The following SFSWAP variants were observed in gnomAD, a reference collection of about 807,000 sequenced individuals.
SFSWAP encodes the protein splicing factor, suppressor of white-apricot homolog.
In SFSWAP, 17 loss-of-function variants were observed where a neutral mutation model predicts 100.7. That is an observed-to-expected ratio of 0.17 (90% CI 0.12 to 0.25). The LOEUF (loss-of-function observed/expected upper bound fraction) is 0.25, where lower values mean the gene tolerates loss of function less well. SFSWAP is among the 10% of genes least tolerant of loss of function. The pLI is 1.00. For missense variants in SFSWAP, 1,005 were observed against 1,262.6 expected (o/e 0.80, Z 3.09); for synonymous variants, 504 against 510.1 (o/e 0.99, Z 0.16).
Position 131,711,461 on chromosome 12 carries a change from C to G in SFSWAP, c.218+14C>G. The G allele has an allele frequency of 6.3e-7, 1 of 1,598,284 alleles. No individual in the cohort carries two copies. The highest frequency in any genetic ancestry group is 8.6e-7 in the Non-Finnish European group (1 of 1,167,096). ...CCTCATCGACAGGTCGGTTCCTCTC[C>G]CCACCCGTCGATCCTTCCCTTCCCT... On this transcript the variant is annotated intron_variant, in intron 1 of 17. Transcript: ENST00000261674. The surrounding 1 kb of genome is among the most constrained non-coding windows in gnomAD (Gnocchi z 4.9).
At chr12:131,749,534 A>G (rs1881428809) in intron 7 of SFSWAP, among the ~76,000 whole-genome samples, 1 of 152,242 alleles carries the variant, frequency 6.6e-6, no homozygotes, top group Non-Finnish European at 1.5e-5. Context: ...TGTATACAAA[A>G]TCCCTGTGTC....
intron 14 of SFSWAP, among the ~76,000 whole-genome samples, chr12:131,782,342 T>G (rs1041911559): frequency 1.3e-5 from 2 of 152,216 alleles, no homozygotes; most frequent in African/African-American, 4.8e-5. Context: ...GGCTTTAAAA[T>G]GCAAGTTAGA....
At position 131,729,998 on chromosome 12, in the gene SFSWAP, A is replaced by C. The variant is rs376953778; in HGVS notation, c.1081+1570A>C. 2.0e-5 allele frequency among the ~76,000 whole-genome samples: 3 copies of C among 152,374 alleles called. No homozygotes were observed. The East Asian group carries it at 5.8e-4, about 29-fold the overall frequency. ...TCCCCCCAAAAACCTTTTAAAGCTG[A>C]GAATGTCTTTAAATGATTAAATCAA... On this transcript the variant is annotated intron_variant, in intron 7 of 17. Transcript: ENST00000261674.
chr12:131,766,404 A>G (rs1011623872), intron 13 of SFSWAP, 96 bp downstream of exon 13: 7 of 1,128,704 alleles, frequency 6.2e-6, no homozygotes, highest in Non-Finnish European at 9.0e-6. Context: ...CTCTGGCCTG[A>G]GTGAGGGATA....
intron 15 of SFSWAP, among the ~76,000 whole-genome samples, chr12:131,787,543 G>A (rs886856933): frequency 2.4e-4 from 37 of 152,332 alleles, no homozygotes; most frequent in African/African-American, 8.7e-4. Flanking sequence ...CCGTGTCTGC[G>A]TCTGGAGCTA....
chr12:131,735,636 G>A (rs1431551406), intron 7 of SFSWAP, among the ~76,000 whole-genome samples: 1 of 152,212 alleles, frequency 6.6e-6, no homozygotes, highest in East Asian at 1.9e-4. Context: ...CACATGCTGG[G>A]CCCCAGCCCG....
chr12:131,755,624 A>G, intron 10 of SFSWAP, 145 bp downstream of exon 10: 4 of 619,630 alleles, frequency 6.5e-6, no homozygotes, highest in Middle Eastern at 4.3e-4. Flanking sequence ...GGCATACTCC[A>G]TCTTTCACGT....
chr12:131,752,667 G>A lies in SFSWAP; in HGVS notation c.1082-456G>A, dbSNP rs192292651. The stretch of plus-strand genomic sequence containing the variant: ...TTAACGTGTGAATGGAGGGAGCAGC[G>A]TGCCTGGGGAATGAAAGCAGGTGTC... On this transcript the variant is annotated intron_variant, in intron 7 of 17. Coordinates refer to ENST00000261674, the MANE Select transcript of SFSWAP (RefSeq NM_004592.4). Among the ~76,000 whole-genome samples, 426 of 152,336 alleles carry A rather than the reference G, an allele frequency of 2.8e-3. 1 individual carries two copies. The highest frequency in any genetic ancestry group is 5.0e-3 in the South Asian group (24 of 4,826).
intron 13 of SFSWAP, among the ~76,000 whole-genome samples, chr12:131,770,588 A>G (rs1883508118): frequency 3.3e-5 from 5 of 151,144 alleles, no homozygotes; most frequent in Non-Finnish European, 5.9e-5. Flanking sequence ...AGAAAGGTAT[A>G]AAACAAAGAG....
At chr12:131,799,355 A>G (rs1423890242) in intron 17 of SFSWAP, 68 bp from the exon 18 acceptor site, 1 of 1,515,036 alleles carries the variant, frequency 6.6e-7, no homozygotes, top group East Asian at 2.3e-5. Context: ...TCGTTGATGA[A>G]TTTCTTCACC....
At chr12:131,755,154 A>G (rs1216210436) in intron 9 of SFSWAP, among the ~76,000 whole-genome samples, 2 of 152,216 alleles carry the variant, frequency 1.3e-5, no homozygotes, top group Non-Finnish European at 2.9e-5. Flanking sequence ...ACGCCTCAGT[A>G]CTAATAAAAC....
chr12:131,717,693 T>A (rs1878057711), intron 3 of SFSWAP, among the ~76,000 whole-genome samples: 1 of 152,210 alleles, frequency 6.6e-6, no homozygotes, highest in African/African-American at 2.4e-5. Context: ...ATTTTTTTCA[T>A]TTTAGGAAAA....
intron 15 of SFSWAP, among the ~76,000 whole-genome samples, chr12:131,793,974 T>C (rs1459349160): frequency 6.6e-6 from 1 of 152,062 alleles, no homozygotes; most frequent in Admixed American, 6.6e-5. Flanking sequence ...ACGTGTGCAG[T>C]TTCTTGTGAC....
At chr12:131,798,354 G>A (rs900756194) in intron 16 of SFSWAP, among the ~76,000 whole-genome samples, 2 of 152,120 alleles carry the variant, frequency 1.3e-5, no homozygotes, top group Non-Finnish European at 1.5e-5. Context: ...GCTGAGCATC[G>A]CTGCGGGGAG....
Position 131,794,769 on chromosome 12 carries a change from G to A in SFSWAP, c.2535-2409G>A, listed in dbSNP as rs1478195883. 2.0e-5 allele frequency among the ~76,000 whole-genome samples: 3 copies of A among 152,186 alleles called. No homozygotes were observed. The highest frequency in any genetic ancestry group is 4.2e-4 in the South Asian group (2 of 4,818). ...GGTGTGCGCACTTGCCAAGCTCAGCGGCAGCACCGAGGACAGCGTTTCACC... is the reference window on the plus strand; with the variant it reads ...GGTGTGCGCACTTGCCAAGCTCAGCAGCAGCACCGAGGACAGCGTTTCACC... On this transcript the variant is annotated intron_variant, in intron 15 of 17. Transcript: ENST00000261674. The surrounding 1 kb of genome is among the most constrained non-coding windows in gnomAD (Gnocchi z 4.8).
intron 1 of SFSWAP, chr12:131,712,464 C>T (rs1043885448): frequency 1.3e-5 from 2 of 152,040 alleles, no homozygotes; most frequent in Non-Finnish European, 2.9e-5. Flanking sequence ...AAAAGCTAAC[C>T]ATGACCAACC....
intron 11 of SFSWAP, 46 bp from the exon 12 acceptor site, chr12:131,764,410 T>C (rs1474793160): frequency 6.5e-7 from 1 of 1,530,184 alleles, no homozygotes; most frequent in Non-Finnish European, 9.0e-7. Flanking sequence ...CCTGCAAAGA[T>C]TTCCACTCTG....
chr12:131,764,390 G>T (rs1394726683), intron 11 of SFSWAP, 66 bp from the exon 12 acceptor site: 2 of 1,283,514 alleles, frequency 1.6e-6, no homozygotes, highest in African/African-American at 3.0e-5. Context: ...TGCTCAGGTG[G>T]GTAGCAGGGC....
At chr12:131,743,165 C>T (rs1442191680) in intron 7 of SFSWAP, among the ~76,000 whole-genome samples, 1 of 152,260 alleles carries the variant, frequency 6.6e-6, no homozygotes, top group Non-Finnish European at 1.5e-5. Context: ...ATATCATCCC[C>T]TCTCACCCCT....
Sources: gnomAD v4.1 joint callset for allele counts (sites outside exome capture counted in the v4.1 genomes callset) on GRCh38, gnomAD v4.1.1 for gene constraint, Gnocchi (gnomAD v3.1) non-coding constraint, MANE v1.5 for transcripts, NCBI Gene and HGNC (gene_info 2026-07-23, HGNC 2026-07-21) for gene names.